Variants in DNASE1 observed in about 807,000 individuals in gnomAD.
The protein encoded by DNASE1 is deoxyribonuclease-1.
DNASE1 carries 40 observed loss-of-function variants against 33.9 expected under a neutral mutation model. That is an observed-to-expected ratio of 1.18 (90% CI 0.92 to 1.54). The LOEUF (loss-of-function observed/expected upper bound fraction) is 1.54, where lower values mean the gene tolerates loss of function less well. Ranked by LOEUF, DNASE1 falls within the 40% of genes most tolerant of loss-of-function variation. DNASE1 has a pLI of 0.00. For synonymous variants in DNASE1, 216 were observed against 160.0 expected (o/e 1.35, Z -2.64); for missense variants, 518 against 372.6 (o/e 1.39, Z -3.21).
intron 1 of DNASE1, among the ~76,000 whole-genome samples, chr16:3,622,410 G>T (rs1216941543): frequency 5.9e-5 from 9 of 152,060 alleles, no homozygotes; most frequent in Non-Finnish European, 1.3e-4. Flanking sequence ...TTCTTCACGT[G>T]ATTAAAAGCT....
At chr16:3,655,551 AGAG>A in intron 2 of DNASE1, 31 bp downstream of exon 2, 2 of 1,613,700 alleles carry the variant, frequency 1.2e-6, no homozygotes, top group Non-Finnish European at 1.7e-6. Flanking sequence ...CCCCAAAAGC[AGAG>A]GAGCTCTGGA....
downstream of DNASE1, chr16:3,662,640 T>C: frequency 1.5e-6 from 1 of 673,326 alleles, no homozygotes; most frequent in Non-Finnish European, 2.7e-6. Flanking sequence ...GATGCTGGTT[T>C]TTCAGTTCTC....
At chr16:3,652,994 C>G (rs1208310498), upstream of DNASE1, 1 of 152,356 alleles carries the variant, frequency 6.6e-6, no homozygotes, top group East Asian at 1.9e-4. Context: ...GGGCAAGACC[C>G]AGGGGTGGCT....
At chr16:3,660,897 C>G (rs996268492), downstream of DNASE1, 2 of 152,080 alleles carry the variant, frequency 1.3e-5, 1 homozygote, top group African/African-American at 4.8e-5. Context: ...GCACTCCAAC[C>G]TGGGGGACAG....
upstream of DNASE1, chr16:3,653,907 A>G (rs556881110): frequency 5.9e-5 from 9 of 151,420 alleles, no homozygotes; most frequent in East Asian, 1.7e-3. Flanking sequence ...CCAGGAGTTC[A>G]AGACCAGTCT....
chr16:3,622,050 G>A (rs552838405), intron 1 of DNASE1, among the ~76,000 whole-genome samples: 36 of 152,062 alleles, frequency 2.4e-4, no homozygotes, highest in Admixed American at 1.7e-3. Context: ...TTGAAACCCC[G>A]TCTTTACTAA....
At chr16:3,612,014 G>C (rs58380344) in intron 1 of DNASE1, 1 of 152,354 alleles carries the variant, frequency 6.6e-6, no homozygotes, top group Non-Finnish European at 1.5e-5. Context: ...CAGGTGGGGT[G>C]GCGTGAGAGT....
At chr16:3,651,266 G>A (rs1272182402), upstream of DNASE1, 1 of 152,192 alleles carries the variant, frequency 6.6e-6, no homozygotes, top group East Asian at 1.9e-4. Flanking sequence ...TGGCTTAGAT[G>A]TCAATATAAT....
At chr16:3,612,738 A>G (rs1301858014) in intron 1 of DNASE1, among the ~76,000 whole-genome samples, 1 of 152,072 alleles carries the variant, frequency 6.6e-6, no homozygotes, top group Non-Finnish European at 1.5e-5. Context: ...GCCTAATTAC[A>G]GTGAGAACAG....
At chr16:3,655,306 G>A in intron 1 of DNASE1, 67 bp from the exon 2 acceptor site, 1 of 1,604,588 alleles carries the variant, frequency 6.2e-7, no homozygotes, top group Non-Finnish European at 8.5e-7. Flanking sequence ...GGCTCCAGAA[G>A]GCTGGAGTGC....
chr16:3,664,216 G>A (rs1218335909), exon 10 of DNASE1: 3 of 1,472,372 alleles, frequency 2.0e-6, no homozygotes, highest in South Asian at 1.4e-5. Context: ...AGCTGAGAAG[G>A]TCAAGACCCT....
rs78577295 is a variant in DNASE1, at chr16:3,646,735, G to T, written c.-86+3699G>T. On this transcript the variant is annotated intron_variant, in intron 1 of 9. Coordinates refer to the DNASE1 transcript ENST00000407479. ...GAGATGTTCTGAGAGCTGTGGGGAC[G>T]GCTGGGACATGTACCTGGAAGCAGG... 7.9e-5 allele frequency among the ~76,000 whole-genome samples: 12 copies of T among 152,238 alleles called. No individual in the cohort carries two copies. In the East Asian group the frequency reaches 2.3e-3, roughly 29 times the overall value.
intron 1 of DNASE1, among the ~76,000 whole-genome samples, chr16:3,635,316 T>C (rs146782804): frequency 0.055 from 8,313 of 151,482 alleles, 282 homozygotes; most frequent in Admixed American, 0.073. Flanking sequence ...AAATTAGCTG[T>C]GCGTGGTGGC....
chr16:3,656,895 T>C, intron 5 of DNASE1, 104 bp from the exon 6 acceptor site: 1 of 1,547,318 alleles, frequency 6.5e-7, no homozygotes, highest in South Asian at 1.2e-5. Context: ...ATTTGGAAAA[T>C]ATCCACCCCC....
intron 2 of DNASE1, 22 bp downstream of exon 2, chr16:3,655,542 C>A (rs1171793668): frequency 6.2e-7 from 1 of 1,613,884 alleles, no homozygotes; most frequent in Non-Finnish European, 8.5e-7. Flanking sequence ...GCAGCCTCCC[C>A]CCAAAAGCAG....
exon 10 of DNASE1, chr16:3,664,208 C>G (rs1423034175): frequency 6.9e-7 from 1 of 1,451,424 alleles, no homozygotes; most frequent in Non-Finnish European, 9.1e-7. Flanking sequence ...CAGCACAGAG[C>G]TGAGAAGGTC....
chr16:3,624,006 A>G (rs2041416242), intron 1 of DNASE1, among the ~76,000 whole-genome samples: 1 of 152,058 alleles, frequency 6.6e-6, no homozygotes, highest in Non-Finnish European at 1.5e-5. Flanking sequence ...TATGGAGGCC[A>G]GGTGCGGTGG....
chr16:3,633,561 T>C (rs940759354), intron 1 of DNASE1, among the ~76,000 whole-genome samples: 3 of 149,420 alleles, frequency 2.0e-5, no homozygotes, highest in Non-Finnish European at 3.0e-5. Context: ...TGAGCCGAGA[T>C]GGCGCCATTG....
upstream of DNASE1, among the ~76,000 whole-genome samples, chr16:3,642,635 A>G (rs1261572324): frequency 6.6e-6 from 1 of 152,170 alleles, no homozygotes; most frequent in Admixed American, 6.5e-5. Context: ...GGGTAACTAC[A>G]GTGTGAGTGA....
Sources: gnomAD v4.1 joint callset for allele counts (sites outside exome capture counted in the v4.1 genomes callset) on GRCh38, gnomAD v4.1.1 for gene constraint, MANE v1.5 for transcripts, NCBI Gene and HGNC (gene_info 2026-07-23, HGNC 2026-07-21) for gene names.